The following RBFOX1 variants were observed in gnomAD, a reference collection of about 807,000 sequenced individuals.
RBFOX1 encodes the protein RNA binding protein fox-1 homolog 1.
RBFOX1 carries 8 observed loss-of-function variants against 57.7 expected under a neutral mutation model. The ratio of observed to expected loss-of-function variants is 0.14; its 90% CI spans 0.08 to 0.25. RBFOX1 has a LOEUF of 0.25. Among genes scored for constraint, RBFOX1 ranks in the 10% least tolerant of loss-of-function variants. RBFOX1 has a pLI of 1.00. For synonymous variants in RBFOX1, 326 were observed against 222.4 expected (o/e 1.47, Z -4.15); for missense variants, 611 against 548.5 (o/e 1.11, Z -1.14).
At chr16:6,071,043 C>G (rs961884772) in intron 1 of RBFOX1, among the ~76,000 whole-genome samples, 1 of 152,148 alleles carries the variant, frequency 6.6e-6, no homozygotes, top group African/African-American at 2.4e-5. Flanking sequence ...TGGAAATTGG[C>G]TGGGTGCGGT....
chr16:5,343,141 C>G (rs957232242), intron 1 of RBFOX1, among the ~76,000 whole-genome samples: 1 of 152,064 alleles, frequency 6.6e-6, no homozygotes, highest in East Asian at 1.9e-4. Context: ...AAGCATGTGA[C>G]CATTGTTGCT....
chr16:5,531,153 TCA>T (rs1270261362), intron 2 of RBFOX1, among the ~76,000 whole-genome samples: 1 of 151,356 alleles, frequency 6.6e-6, no homozygotes, highest in African/African-American at 2.4e-5. Flanking sequence ...AATAAAATAA[TCA>T]CAGTCCAGGT....
intron 4 of RBFOX1, among the ~76,000 whole-genome samples, chr16:7,385,234 C>G (rs531470437): frequency 1.3e-5 from 2 of 152,118 alleles, no homozygotes; most frequent in African/African-American, 2.4e-5. Flanking sequence ...CTGCTTGCCA[C>G]GTGAAACATA....
intron 3 of RBFOX1, among the ~76,000 whole-genome samples, chr16:6,845,233 T>C (rs1024745504): frequency 1.3e-5 from 2 of 152,184 alleles, no homozygotes; most frequent in African/African-American, 4.8e-5. Flanking sequence ...TTTGGCATTT[T>C]CGTTATGAAT....
chr16:6,224,754 C>G (rs1350260747), intron 1 of RBFOX1, among the ~76,000 whole-genome samples: 1 of 152,124 alleles, frequency 6.6e-6, no homozygotes, highest in Non-Finnish European at 1.5e-5. Context: ...GGTGCGGTGG[C>G]TCACGCCCAT....
intron 3 of RBFOX1, among the ~76,000 whole-genome samples, chr16:5,751,738 A>T (rs1009925652): frequency 6.6e-6 from 1 of 152,224 alleles, no homozygotes; most frequent in African/African-American, 2.4e-5. Flanking sequence ...AAGTAAGAGA[A>T]CTGACTCCAA....
intron 3 of RBFOX1, among the ~76,000 whole-genome samples, chr16:6,707,749 A>C (rs1568300576): frequency 6.6e-6 from 1 of 152,164 alleles, no homozygotes; most frequent in African/African-American, 2.4e-5. Context: ...AGATTCTGCA[A>C]CTTTAGTAGC....
Position 5,785,549 on chromosome 16 carries a change from C to T in RBFOX1, c.319-81754C>T, listed in dbSNP as rs113529572. The stretch of plus-strand genomic sequence containing the variant: ...TTTCTTTCTTTTTCTTTTTTTGAGG[C>T]GGAGTTTCACTCTTGTTGCCCAGAC... On this transcript the variant is annotated intron_variant, in intron 3 of 19. Coordinates refer to the RBFOX1 transcript ENST00000641259. 5.2e-3 allele frequency among the ~76,000 whole-genome samples: 786 copies of T among 151,416 alleles called. 13 individuals carry two copies. Among genetic ancestry groups the T allele is most frequent in the African/African-American group, 0.017 (719 of 41,202 alleles).
chr16:6,005,496 T>G (rs1302128838), intron 4 of RBFOX1, among the ~76,000 whole-genome samples: 2 of 152,178 alleles, frequency 1.3e-5, no homozygotes, highest in African/African-American at 4.8e-5. Context: ...ATACAAGGCA[T>G]GAAGTGTTAG....
In RBFOX1 at chr16:5,266,626, C is replaced by T. The variant is rs112725988; in HGVS notation, c.219+26521C>T. Among the ~76,000 whole-genome samples the T allele has an allele frequency of 9.9e-3, 1,477 of 149,222 alleles. 22 individuals are homozygous for T. Among genetic ancestry groups the T allele is most frequent in the African/African-American group, 0.027 (1,092 of 40,524 alleles). Reference sequence around the variant, plus strand: ...ACAGTGGCACGATCATGGCTCACTGCAGCCTCTGTCTCCTGGGCTCAAGGA... The same window carrying T: ...ACAGTGGCACGATCATGGCTCACTGTAGCCTCTGTCTCCTGGGCTCAAGGA... On this transcript the variant is annotated intron_variant, in intron 1 of 2. Transcript: ENST00000585867.
At chr16:7,022,407 G>C (rs1002756881) in intron 3 of RBFOX1, among the ~76,000 whole-genome samples, 2 of 151,932 alleles carry the variant, frequency 1.3e-5, no homozygotes, top group African/African-American at 4.8e-5. Flanking sequence ...AGTCAGGTCT[G>C]CTTAAACCCA....
intron 4 of RBFOX1, among the ~76,000 whole-genome samples, chr16:7,449,342 C>T (rs2098833198): frequency 6.6e-6 from 1 of 152,106 alleles, no homozygotes; most frequent in African/African-American, 2.4e-5. Context: ...CACTCTTCAA[C>T]CCACCATGCC....
At chr16:5,483,259 A>G (rs1415186249) in intron 2 of RBFOX1, among the ~76,000 whole-genome samples, 3 of 152,190 alleles carry the variant, frequency 2.0e-5, no homozygotes, top group Non-Finnish European at 4.4e-5. Context: ...AGTAGCAAGG[A>G]TGGCAGACAT....
intron 4 of RBFOX1, among the ~76,000 whole-genome samples, chr16:7,361,498 G>A (rs573073569): frequency 6.6e-5 from 10 of 152,312 alleles, no homozygotes; most frequent in Non-Finnish European, 1.3e-4. Context: ...CTCCTAGTCC[G>A]TGAAATGGAG....
chr16:6,637,981 A>G (rs114915705), intron 2 of RBFOX1, among the ~76,000 whole-genome samples: 514 of 152,190 alleles, frequency 3.4e-3, no homozygotes, highest in African/African-American at 0.012. Flanking sequence ...TCAACACCCA[A>G]CATTTAGTTT....
chr16:7,650,467 G>C (rs1860319), intron 11 of RBFOX1, among the ~76,000 whole-genome samples: 2 of 152,062 alleles, frequency 1.3e-5, no homozygotes, highest in Non-Finnish European at 1.5e-5. Flanking sequence ...CTCCTAGGAA[G>C]CCTTGTAAAT....
At chr16:5,753,016 G>T (rs1188583916) in intron 3 of RBFOX1, among the ~76,000 whole-genome samples, 1 of 151,956 alleles carries the variant, frequency 6.6e-6, no homozygotes, top group Non-Finnish European at 1.5e-5. Context: ...TTAAAAATTA[G>T]CCAGATGTGT....
intron 4 of RBFOX1, among the ~76,000 whole-genome samples, chr16:7,085,550 G>A (rs1204237435): frequency 2.6e-5 from 4 of 152,122 alleles, no homozygotes; most frequent in African/African-American, 7.2e-5. Context: ...TACAGAGCAC[G>A]TGTTCAGTAG....
At chr16:7,039,729 A>G (rs1354211469) in intron 3 of RBFOX1, among the ~76,000 whole-genome samples, 3 of 152,206 alleles carry the variant, frequency 2.0e-5, no homozygotes, top group Non-Finnish European at 4.4e-5. Flanking sequence ...AGCAGTGGGT[A>G]TGATTACAAC....
Sources: gnomAD v4.1 joint callset for allele counts (sites outside exome capture counted in the v4.1 genomes callset) on GRCh38, gnomAD v4.1.1 for gene constraint, MANE v1.5 for transcripts, NCBI Gene and HGNC (gene_info 2026-07-23, HGNC 2026-07-21) for gene names.